VPS13C: variants seen among roughly 807,000 people sequenced by gnomAD.
VPS13C encodes vacuolar protein sorting 13 homolog C.
A neutral mutation model predicts 456.8 loss-of-function variants in VPS13C; 358 were observed. The observed-to-expected ratio is 0.78, with a 90% confidence interval of 0.72 to 0.86. The LOEUF (loss-of-function observed/expected upper bound fraction) is 0.86. VPS13C is among the 40% of genes least tolerant of loss of function. The pLI is 0.00. For synonymous variants in VPS13C, 1,578 were observed against 1,486.7 expected (o/e 1.06, Z -1.41); for missense variants, 4,818 against 4,385.4 (o/e 1.10, Z -2.79).
chr15:62,000,683 T>C, intron 15 of VPS13C, 57 bp from the exon 16 acceptor site: 3 of 1,470,588 alleles, frequency 2.0e-6, no homozygotes, highest in Non-Finnish European at 2.8e-6. Context: ...TAAAAGAAAT[T>C]TTTCTTTCAT....
chr15:61,991,647 A>G (rs777227758), intron 17 of VPS13C, 26 bp downstream of exon 17: 20 of 1,608,254 alleles, frequency 1.2e-5, no homozygotes, highest in Non-Finnish European at 1.7e-5. Flanking sequence ...AACACTGTAC[A>G]ATAAGTTATT....
At chr15:61,914,195 T>C (rs2043390524) in intron 61 of VPS13C, among the ~76,000 whole-genome samples, 1 of 152,148 alleles carries the variant, frequency 6.6e-6, no homozygotes, top group African/African-American at 2.4e-5. Flanking sequence ...AAGCATCACC[T>C]GTTGGAAATG....
At chr15:62,025,670 A>C (rs2047613257) in intron 6 of VPS13C, among the ~76,000 whole-genome samples, 1 of 152,128 alleles carries the variant, frequency 6.6e-6, no homozygotes, top group Admixed American at 6.5e-5. Context: ...TAAACAGTTT[A>C]AATCTAATCT....
At chr15:61,860,301 G>A (rs1894149032) in intron 82 of VPS13C, among the ~76,000 whole-genome samples, 1 of 151,988 alleles carries the variant, frequency 6.6e-6, no homozygotes, top group South Asian at 2.1e-4. Flanking sequence ...CATCAAGCTA[G>A]CAAAAAATAA....
At chr15:62,043,853 C>A (rs904224455) in intron 2 of VPS13C, among the ~76,000 whole-genome samples, 1 of 152,114 alleles carries the variant, frequency 6.6e-6, no homozygotes, top group Non-Finnish European at 1.5e-5. Flanking sequence ...GCTAGACCAT[C>A]AATCTATTTC....
chr15:61,870,007 C>G (rs749718260), intron 79 of VPS13C, among the ~76,000 whole-genome samples: 1 of 151,906 alleles, frequency 6.6e-6, no homozygotes. Context: ...TAATGCTGAC[C>G]GTTAGATTTT....
rs5813123 is a variant in VPS13C, at chr15:61,853,878, CAAA to C, written c.*576_*578del. 4.9e-5 allele frequency: 7 copies of C among 143,024 alleles called. No homozygotes were observed. Among genetic ancestry groups the C allele is most frequent in the Admixed American group, 1.4e-4 (2 of 14,388 alleles). 8.9% of individuals were successfully genotyped at this position (143,024 alleles called of 1,614,324 possible). On this transcript the variant is annotated 3_prime_UTR_variant, in exon 85 of 85. Transcript: ENST00000644861. ...GTGAAACTCATCTCTACTAAAAATA[CAAA>C]AAAAAAAAAAATTACCCAGGCGTGG...
intron 18 of VPS13C, among the ~76,000 whole-genome samples, chr15:61,989,895 C>T (rs112906711): frequency 1.6e-4 from 25 of 152,268 alleles, no homozygotes; most frequent in African/African-American, 5.8e-4. Flanking sequence ...TATGACTCAG[C>T]AATTCCACTC....
chr15:61,989,161 C>A (rs1175380498), intron 18 of VPS13C, among the ~76,000 whole-genome samples: 3 of 150,718 alleles, frequency 2.0e-5, no homozygotes, highest in African/African-American at 7.3e-5. Flanking sequence ...GAGGCCAAGG[C>A]AAGCAGGTCG....
intron 5 of VPS13C, among the ~76,000 whole-genome samples, chr15:62,032,599 A>G (rs2047855621): frequency 6.6e-6 from 1 of 151,870 alleles, no homozygotes; most frequent in African/African-American, 2.4e-5. Context: ...TGATTCAATT[A>G]AATGACAACA....
At chr15:61,949,387 G>A (rs1196486963) in intron 42 of VPS13C, 56 bp downstream of exon 42, 1 of 1,570,082 alleles carries the variant, frequency 6.4e-7, no homozygotes, top group Non-Finnish European at 8.6e-7. Context: ...AAAACAAGTT[G>A]TTATATGATT....
intron 66 of VPS13C, among the ~76,000 whole-genome samples, chr15:61,893,117 C>T (rs1030871571): frequency 1.6e-4 from 25 of 152,088 alleles, no homozygotes; most frequent in African/African-American, 5.8e-4. Context: ...GATAGAAATA[C>T]ACAGGTAAAG....
At chr15:62,052,008 G>A (rs1468741216) in intron 1 of VPS13C, among the ~76,000 whole-genome samples, 1 of 152,128 alleles carries the variant, frequency 6.6e-6, no homozygotes, top group East Asian at 1.9e-4. Context: ...GTTTATCCAA[G>A]GTTATACAAT....
chr15:61,952,001 TACC>T (rs2044815571), intron 38 of VPS13C, 21 bp from the exon 39 acceptor site: 1 of 1,606,368 alleles, frequency 6.2e-7, no homozygotes, highest in Non-Finnish European at 8.5e-7. Context: ...GTACCAGTAT[TACC>T]ACCAACTATT....
Position 61,867,204 on chromosome 15 carries a change from A to C in VPS13C, c.10863+1455T>G. The C allele has an allele frequency of 4.1e-6, 4 of 982,726 alleles. No homozygotes were observed. The highest frequency in any genetic ancestry group is 4.8e-6 in the Non-Finnish European group (4 of 827,440). The allele number at this position is 982,726 out of a possible 1,614,324, so 60.9% of individuals were successfully genotyped here. A position where few individuals can be genotyped will look rare whatever the true frequency, so the allele number is the denominator to read the frequency against. On this transcript the variant is annotated intron_variant, in intron 81 of 84. Coordinates refer to ENST00000644861, the MANE Select transcript of VPS13C (RefSeq NM_020821.3). The surrounding 1 kb of genome is among the most constrained non-coding windows in gnomAD (Gnocchi z 5.0). Reference sequence around the variant, plus strand: ...TCTATCTACATTAATTAAAACTAATAATTATGAAATAAGCATAACCAACAA... The same window carrying C: ...TCTATCTACATTAATTAAAACTAATCATTATGAAATAAGCATAACCAACAA...
intron 62 of VPS13C, 64 bp from the exon 63 acceptor site, chr15:61,912,068 C>T (rs2043317906): frequency 1.5e-6 from 2 of 1,313,108 alleles, no homozygotes; most frequent in Non-Finnish European, 2.0e-6. Context: ...ATACACATCC[C>T]CTCATTCACA....
At chr15:61,881,190 C>A (rs754389642) in intron 71 of VPS13C, among the ~76,000 whole-genome samples, 1 of 152,042 alleles carries the variant, frequency 6.6e-6, no homozygotes, top group Non-Finnish European at 1.5e-5. Context: ...ATGCCACATT[C>A]GTCATGTCAC....
At chr15:61,874,833 A>G (rs542057548) in intron 77 of VPS13C, 43 bp downstream of exon 77, 2 of 1,479,406 alleles carry the variant, frequency 1.4e-6, no homozygotes, top group East Asian at 2.4e-5. Flanking sequence ...TCATAACAAT[A>G]TAATAAAAAA....
In VPS13C at chr15:61,967,553, A is replaced by AC. The variant is rs2045416649; in HGVS notation, c.2912-107_2912-106insG. Reference sequence around the variant, plus strand: ...TTTGTTAATTAAGCTTTAAAAGAAAATCTTTGCATATTGTCATAGCTATTA... The same window carrying AC: ...TTTGTTAATTAAGCTTTAAAAGAAAACTCTTTGCATATTGTCATAGCTATTA... On this transcript the variant is annotated intron_variant, in intron 28 of 84. Coordinates refer to ENST00000644861, the MANE Select transcript of VPS13C (RefSeq NM_020821.3). 5 of 843,426 alleles carry AC rather than the reference A, an allele frequency of 5.9e-6. No homozygotes were observed. In the South Asian group the frequency reaches 8.2e-5, roughly 14 times the overall value. 52.2% of individuals were successfully genotyped at this position (843,426 alleles called of 1,614,324 possible).
Sources: gnomAD v4.1 joint callset for allele counts (sites outside exome capture counted in the v4.1 genomes callset) on GRCh38, gnomAD v4.1.1 for gene constraint, Gnocchi (gnomAD v3.1) non-coding constraint, MANE v1.5 for transcripts, NCBI Gene and HGNC (gene_info 2026-07-23, HGNC 2026-07-21) for gene names.